Variants in ARHGEF28 observed in about 807,000 individuals in gnomAD.
ARHGEF28 encodes Rho guanine nucleotide exchange factor 28.
ARHGEF28 carries 152 observed loss-of-function variants against 206.6 expected under a neutral mutation model. That is an observed-to-expected ratio of 0.74 (90% confidence interval 0.64 to 0.84). The LOEUF is 0.84. ARHGEF28 is among the 40% of genes least tolerant of loss of function. The pLI is 0.00. For missense variants in ARHGEF28, 2,028 were observed against 2,073.2 expected, an observed-to-expected ratio of 0.98 and a Z score of 0.42; for synonymous variants, 763 against 776.4, an observed-to-expected ratio of 0.98 and a Z score of 0.29.
chr5:73,885,252 T>G (rs1469845580), intron 24 of ARHGEF28, among the ~76,000 whole-genome samples: 2 of 151,900 alleles, frequency 1.3e-5, no homozygotes, highest in Non-Finnish European at 2.9e-5. Context: ...AGATTATTGA[T>G]TACCTATGTC....
chr5:73,695,502 G>A (rs2339611), intron 2 of ARHGEF28, among the ~76,000 whole-genome samples: 23,984 of 152,072 alleles, frequency 0.16, 4,168 homozygotes, highest in African/African-American at 0.44. Flanking sequence ...TTATCACTCA[G>A]TTAGCCAGGA....
chr5:73,660,885 G>A (rs1745555570), intron 1 of ARHGEF28, among the ~76,000 whole-genome samples: 1 of 152,154 alleles, frequency 6.6e-6, no homozygotes, highest in Non-Finnish European at 1.5e-5. Flanking sequence ...AGCACAAGCA[G>A]AGTAGATTTA....
At chr5:73,719,098 C>T (rs1045661566) in intron 2 of ARHGEF28, among the ~76,000 whole-genome samples, 1 of 152,196 alleles carries the variant, frequency 6.6e-6, no homozygotes, top group Non-Finnish European at 1.5e-5. Context: ...CCTCCTGCCT[C>T]TCCTTGTAAT....
chr5:73,661,936 G>A lies in ARHGEF28; in HGVS notation c.-11-22905G>A, dbSNP rs536140791. 1.3e-4 allele frequency among the ~76,000 whole-genome samples: 20 copies of A among 152,272 alleles called. 1 individual carries two copies. The South Asian group carries it at 3.5e-3, about 27-fold the overall frequency. ...GCGAGCACATGCTATTGCAAAAATA[G>A]TGGGGATAGACTTGCTCAATGCAGG... On this transcript the variant is annotated intron_variant, in intron 1 of 35. Coordinates refer to ENST00000513042, the MANE Select transcript of ARHGEF28 (RefSeq NM_001177693.2).
At chr5:73,715,501 C>G (rs1161476479) in intron 2 of ARHGEF28, among the ~76,000 whole-genome samples, 4 of 151,930 alleles carry the variant, frequency 2.6e-5, no homozygotes, top group African/African-American at 9.7e-5. Context: ...GGGTGATTCT[C>G]TAAAAATAGA....
At chr5:73,794,751 C>A (rs1419556518) in intron 8 of ARHGEF28, among the ~76,000 whole-genome samples, 1 of 151,868 alleles carries the variant, frequency 6.6e-6, no homozygotes, top group Non-Finnish European at 1.5e-5. Flanking sequence ...GGACTATAGG[C>A]GCCCACCACC....
rs1762763636 is a variant in ARHGEF28 at position 73,909,640 on chromosome 5, G to A, written c.4390G>A (p.Ala1464Thr). Reference protein sequence around the residue: ...WLRRCEQQQRAQATRESWLQE... With the variant: ...WLRRCEQQQRTQATRESWLQE... ...GCGCAGGTGTGAGCAGCAGCAGCGG[G>A]CGCAGGCGACCAGGGAGAGCTGGCT... The change falls in exon 34 of 36, where the codon GCG becomes ACG. Residue 1464 changes from alanine to threonine, a missense_variant. Physicochemically the swap from Ala to Thr is moderately conservative, Grantham distance 58 (BLOSUM62 0). Around this residue, in one of 3 missense-constraint regions of ARHGEF28, gnomAD observed 803 missense variants for 768.0 expected, o/e 1.05. Transcript: ENST00000513042. 1 of 1,548,616 alleles carries A rather than the reference G, an allele frequency of 6.5e-7. No homozygotes were observed. The highest frequency in any genetic ancestry group is 8.7e-7 in the Non-Finnish European group (1 of 1,146,368).
At chr5:73,782,655 G>A (rs1278551611) in intron 7 of ARHGEF28, among the ~76,000 whole-genome samples, 1 of 152,162 alleles carries the variant, frequency 6.6e-6, no homozygotes, top group Non-Finnish European at 1.5e-5. Context: ...GCTACTGGCT[G>A]TGTTGACGGA....
At chr5:73,873,918 G>A (rs1056044869) in intron 22 of ARHGEF28, among the ~76,000 whole-genome samples, 12 of 152,006 alleles carry the variant, frequency 7.9e-5, no homozygotes, top group Non-Finnish European at 1.0e-4. Flanking sequence ...TTGTATGGGA[G>A]TTGTATGTTC....
chr5:73,795,331 C>A lies in ARHGEF28; in HGVS notation c.964C>A (p.Arg322Ser), dbSNP rs201283070. 6.2e-7 allele frequency: 1 copy of A among 1,613,472 alleles called. No individual in the cohort carries two copies. Among genetic ancestry groups the A allele is most frequent in the Non-Finnish European group, 8.5e-7 (1 of 1,179,624 alleles). ...RSAAEKEDIK[R>S]VKSLVVQHNE... ...ATCCACCTGACTTTATCTCTTCCAG[C>A]GTGTCAAAAGCCTGGTGGTTCAACA... Residue 322 changes from arginine (R) to serine (S), a missense_variant and splice_region_variant, in exon 9 of 36, where the codon CGT (arginine) becomes AGT (serine). Arg to Ser is a moderately radical substitution (Grantham distance 110). Coordinates refer to ENST00000513042, the MANE Select transcript of ARHGEF28 (RefSeq NM_001177693.2).
At chr5:73,801,455 A>T (rs1580636610) in intron 9 of ARHGEF28, among the ~76,000 whole-genome samples, 1 of 151,900 alleles carries the variant, frequency 6.6e-6, no homozygotes, top group African/African-American at 2.4e-5. Flanking sequence ...TCAAAAAATA[A>T]AAAAAATAAA....
At chr5:73,838,917 A>G (rs1757821299) in intron 10 of ARHGEF28, among the ~76,000 whole-genome samples, 1 of 151,598 alleles carries the variant, frequency 6.6e-6, no homozygotes, top group African/African-American at 2.4e-5. Context: ...TGTGTTGCAT[A>G]TAGTTGTTGT....
chr5:73,751,235 C>A (rs1752004417), intron 3 of ARHGEF28, among the ~76,000 whole-genome samples: 1 of 152,128 alleles, frequency 6.6e-6, no homozygotes. Context: ...CGTGGGGAAA[C>A]CCCATCTCTA....
At chr5:73,772,664 C>T (rs1039196885) in intron 4 of ARHGEF28, among the ~76,000 whole-genome samples, 2 of 152,190 alleles carry the variant, frequency 1.3e-5, no homozygotes, top group African/African-American at 4.8e-5. Flanking sequence ...AGGCATTAGC[C>T]ACCACGCCTG....
intron 9 of ARHGEF28, among the ~76,000 whole-genome samples, chr5:73,798,765 C>T (rs1248241332): frequency 6.6e-6 from 1 of 152,124 alleles, no homozygotes; most frequent in Non-Finnish European, 1.5e-5. Context: ...GTCTACTTGG[C>T]TCAAGTAAAT....
intron 5 of ARHGEF28, 111 bp downstream of exon 5, chr5:73,774,149 T>C (rs909940394): frequency 1.1e-6 from 1 of 945,046 alleles, no homozygotes; most frequent in African/African-American, 1.7e-5. Context: ...TGTTTTACTG[T>C]TAGCTCTCAT....
Position 73,896,863 on chromosome 5 carries a change from G to A in ARHGEF28, c.3842-1099G>A, listed in dbSNP as rs145986269. Among the ~76,000 whole-genome samples, 7 of 152,300 alleles carry A rather than the reference G, an allele frequency of 4.6e-5. No homozygotes were observed. The East Asian group carries it at 7.7e-4, about 17-fold the overall frequency. On this transcript the variant is annotated intron_variant, in intron 29 of 35. Transcript: ENST00000513042. ...CCTGGCACACCGTGACAGAGGTGCC[G>A]GGGCAGCGGCGGACCCAGCTGCTTA...
At chr5:73,693,281 C>A (rs929229422) in intron 2 of ARHGEF28, among the ~76,000 whole-genome samples, 1 of 152,152 alleles carries the variant, frequency 6.6e-6, no homozygotes, top group African/African-American at 2.4e-5. Context: ...TTATCCTTTC[C>A]TGTCCTGCAA....
At chr5:73,661,356 G>A (rs879796398) in intron 1 of ARHGEF28, among the ~76,000 whole-genome samples, 6 of 152,250 alleles carry the variant, frequency 3.9e-5, no homozygotes, top group Non-Finnish European at 7.4e-5. Flanking sequence ...GTTGTATCTA[G>A]TTTGATCTTC....
Sources: allele counts gnomAD v4.1 joint callset (sites outside exome capture counted in the v4.1 genomes callset), GRCh38; gene constraint gnomAD v4.1.1; regional missense constraint gnomAD v4.1.1; transcripts MANE v1.5; gene names NCBI Gene and HGNC (gene_info 2026-07-23, HGNC 2026-07-21).